The following TRIM31 variants were observed in gnomAD, a reference collection of about 807,000 sequenced individuals.
TRIM31 encodes the protein tripartite motif containing 31.
TRIM31 carries 31 observed loss-of-function variants against 40.6 expected under a neutral mutation model. The ratio of observed to expected loss-of-function variants is 0.76; its 90% CI spans 0.57 to 1.03. TRIM31 has a LOEUF of 1.03. Ranked by LOEUF, TRIM31 falls within the 50% of genes least tolerant of loss-of-function variation. TRIM31 has a pLI of 0.00. For synonymous variants in TRIM31, 164 were observed against 193.9 expected (o/e 0.85, Z 1.28); for missense variants, 455 against 497.5 (o/e 0.91, Z 0.81).
In TRIM31 at chr6:30,112,664, A is replaced by G. The variant is rs140451451; in HGVS notation, c.142T>C (p.Cys48Arg). The G allele has an allele frequency of 9.2e-4, 1,481 of 1,613,118 alleles. 2 individuals are homozygous for G. The highest frequency in any genetic ancestry group is 1.2e-3 in the Non-Finnish European group (1,377 of 1,180,038). ...KCITQIGETS[C>R]GFFKCPLCKT... ...CAGAGGGGACATTTGAAAAATCCAC[A>G]TGATGTTTCCCCAATCTGAGTGATG... The change falls in exon 2 of 9, where the codon TGT becomes CGT. Residue 48 changes from cysteine (C) to arginine (R), a missense_variant. Coordinates refer to ENST00000376734, the MANE Select transcript of TRIM31 (RefSeq NM_007028.5).
At chr6:30,108,976 G>A in intron 5 of TRIM31, 50 bp downstream of exon 5, 1 of 1,590,500 alleles carries the variant, frequency 6.3e-7, no homozygotes, top group Non-Finnish European at 8.6e-7. Context: ...GCTGAGAATT[G>A]TGTGTGGATG....
Position 30,103,394 on chromosome 6 carries a change from A to G in TRIM31, c.*142T>C, listed in dbSNP as rs1768369175. Reference sequence around the variant, plus strand: ...CCCCGCCCCCATCTCCACTCTCAGTAGCCCGAGCCCTCCCATTCTCCACTC... The same window carrying G: ...CCCCGCCCCCATCTCCACTCTCAGTGGCCCGAGCCCTCCCATTCTCCACTC... On this transcript the variant is annotated 3_prime_UTR_variant, in exon 9 of 9. Transcript: ENST00000376734. 8.0e-7 allele frequency: 1 copy of G among 1,251,986 alleles called. No homozygotes were observed. The highest frequency in any genetic ancestry group is 1.1e-6 in the Non-Finnish European group (1 of 901,276). 77.6% of individuals were successfully genotyped at this position (1,251,986 alleles called of 1,614,324 possible).
intron 6 of TRIM31, 34 bp downstream of exon 6, chr6:30,108,019 T>C (rs771513352): frequency 5.9e-6 from 8 of 1,348,412 alleles, no homozygotes; most frequent in African/African-American, 4.3e-5. Context: ...CTCCTGGAAG[T>C]AGGTGAATAG....
rs1239938257 is a variant in TRIM31, at chr6:30,103,590, C to G, written c.1224G>C (p.Leu408=). The change falls in exon 9 of 9, where the codon CTG becomes CTC. Residue 408 remains leucine, a synonymous_variant. Transcript: ENST00000376734. The stretch of plus-strand genomic sequence containing the variant: ...CCCGGATCGCTGTCAGCCACTCACT[C>G]AGTGCCGCATGGAGCTCCTCGGACA... The part of the protein sequence containing the change: ...VALSEELHAA[L]SEWLTAIRAW... 6.2e-7 allele frequency: 1 copy of G among 1,612,966 alleles called. No homozygotes were observed. The highest frequency in any genetic ancestry group is 1.1e-5 in the South Asian group (1 of 91,092).
At position 30,112,876 on chromosome 6, in the gene TRIM31, G is replaced by C; in HGVS notation, c.-71C>G. The C allele has an allele frequency of 6.9e-7, 1 of 1,456,880 alleles. No homozygotes were observed. Among genetic ancestry groups the C allele is most frequent in the Non-Finnish European group, 9.2e-7 (1 of 1,091,366 alleles). The allele number at this position is 1,456,880 out of a possible 1,614,324, so 90.2% of individuals were successfully genotyped here. A position where few individuals can be genotyped will look rare whatever the true frequency, so the allele number is the denominator to read the frequency against. ...GTCTGTAGGAGCCCCGGAGTCCACTGTGGATACTGTTTCTAGGAAGGGAGA... is the reference window on the plus strand; with the variant it reads ...GTCTGTAGGAGCCCCGGAGTCCACTCTGGATACTGTTTCTAGGAAGGGAGA... On this transcript the variant is annotated 5_prime_UTR_variant, in exon 2 of 9. Coordinates refer to ENST00000376734, the MANE Select transcript of TRIM31 (RefSeq NM_007028.5).
intron 8 of TRIM31, 89 bp from the exon 9 acceptor site, chr6:30,103,878 A>G: frequency 3.2e-6 from 5 of 1,575,276 alleles, no homozygotes; most frequent in Admixed American, 3.5e-5. Flanking sequence ...TGAGCTCTAC[A>G]TACAGCAGGA....
intron 7 of TRIM31, 32 bp downstream of exon 7, chr6:30,105,136 G>T: frequency 6.3e-7 from 1 of 1,590,242 alleles, no homozygotes; most frequent in East Asian, 2.2e-5. Context: ...TCCCCAAATG[G>T]CAGAAGCAAC....
intron 6 of TRIM31, among the ~76,000 whole-genome samples, chr6:30,106,103 C>T (rs924767433): frequency 1.3e-5 from 2 of 152,222 alleles, no homozygotes; most frequent in African/African-American, 2.4e-5. Flanking sequence ...GCCTAGATTT[C>T]CTGTAGGGGT....
intron 3 of TRIM31, 84 bp from the exon 4 acceptor site, chr6:30,110,762 A>C: frequency 7.5e-7 from 1 of 1,337,608 alleles, no homozygotes; most frequent in Non-Finnish European, 1.0e-6. Flanking sequence ...AATTTTATTA[A>C]GTTTGTGTGG....
In TRIM31 at chr6:30,112,587, A is replaced by T. The variant is rs759804971; in HGVS notation, c.219T>A (p.Asn73Lys). The T allele has an allele frequency of 6.2e-7, 1 of 1,613,084 alleles. No individual in the cohort carries two copies. The change falls in exon 2 of 9, where the codon AAT becomes AAA. Residue 73 changes from asparagine to lysine, a missense_variant. Coordinates refer to ENST00000376734, the MANE Select transcript of TRIM31 (RefSeq NM_007028.5). ...GTAGAGCTTGGATTTTCTCCACCAG[A>T]TTCCGCAACAGCGAGTTGAACCTGA... ...NAIRFNSLLR[N>K]LVEKIQALQA...
Position 30,112,906 on chromosome 6 carries a change from A to T in TRIM31, c.-83-18T>A. 1 of 1,181,082 alleles carries T rather than the reference A, an allele frequency of 8.5e-7. No homozygotes were observed. The allele number at this position is 1,181,082 out of a possible 1,614,324, so 73.2% of individuals were successfully genotyped here. ...TACTGTTTCTAGGAAGGGAGAAGGG[A>T]GTCAGAGAAAGTGGAGGTCAGAGAT... is the stretch of plus-strand genomic sequence containing the variant. On this transcript the variant is annotated intron_variant, in intron 1 of 8. Transcript: ENST00000376734.
Position 30,112,688 on chromosome 6 carries a change from T to C in TRIM31, c.118A>G (p.Ile40Val). Residue 40 changes from isoleucine to valine, a missense_variant, in exon 2 of 9, where the codon ATC becomes GTC. By Grantham distance (29) the Ile-to-Val change is conservative. Transcript: ENST00000376734. ...CATGATGTTTCCCCAATCTGAGTGA[T>C]GCATTTGAGGCAGAAATTGTGCCCA... ...DCGHNFCLKC[I>V]TQIGETSCGF... 1 of 1,613,170 alleles carries C rather than the reference T, an allele frequency of 6.2e-7. No individual in the cohort carries two copies. Among genetic ancestry groups the C allele is most frequent in the South Asian group, 1.1e-5 (1 of 91,088 alleles).
intron 5 of TRIM31, chr6:30,108,739 T>C (rs751506840): frequency 3.6e-6 from 2 of 553,968 alleles, no homozygotes; most frequent in Non-Finnish European, 6.4e-6. Flanking sequence ...GGAGACAGAG[T>C]AGGGGACCCA....
At chr6:30,108,260 T>G in intron 5 of TRIM31, 92 bp from the exon 6 acceptor site, 4 of 877,990 alleles carry the variant, frequency 4.6e-6, no homozygotes, top group Non-Finnish European at 7.6e-6. Flanking sequence ...AATGAGGGGA[T>G]GAAGACCTGG....
chr6:30,109,141 G>T lies in TRIM31; in HGVS notation c.745-93C>A, dbSNP rs1769044523. The T allele has an allele frequency of 7.5e-6, 10 of 1,335,652 alleles. No homozygotes were observed. In the East Asian group the frequency reaches 2.3e-4, roughly 31 times the overall value. The allele number at this position is 1,335,652 out of a possible 1,614,324, so 82.7% of individuals were successfully genotyped here. ...CAGAGCCTGCTGGGTGTGGGGCAGA[G>T]CAGGAGGAGTAAGAACCCCTCCAAG... On this transcript the variant is annotated intron_variant, in intron 4 of 8. Coordinates refer to ENST00000376734, the MANE Select transcript of TRIM31 (RefSeq NM_007028.5).
In TRIM31 at chr6:30,103,778, T is replaced by C. The variant is rs780199967; in HGVS notation, c.1036A>G (p.Thr346Ala). Reference sequence around the variant, plus strand: ...GAGTGGTGATTTGGTGGCCCCGATGTAGTTCTGCCGCCTTTGCGGGAGAAG... The same window carrying C: ...GAGTGGTGATTTGGTGGCCCCGATGCAGTTCTGCCGCCTTTGCGGGAGAAG... ...PGSSSAGGRT[T>A]SGPPNHHSSA... The change falls in exon 9 of 9, where the codon ACA becomes GCA. Residue 346 changes from threonine to alanine, a missense_variant. Physicochemically the swap from Thr to Ala is moderately conservative, Grantham distance 58. Transcript: ENST00000376734. The C allele has an allele frequency of 1.2e-6, 2 of 1,612,908 alleles. No individual in the cohort carries two copies. Among genetic ancestry groups the C allele is most frequent in the South Asian group, 2.2e-5 (2 of 91,074 alleles).
chr6:30,106,089 C>G (rs1298216340), intron 6 of TRIM31, among the ~76,000 whole-genome samples: 4 of 152,228 alleles, frequency 2.6e-5, no homozygotes, highest in African/African-American at 4.8e-5. Flanking sequence ...ATGGCCCATT[C>G]CTGGCCTAGA....
chr6:30,103,436 C>A lies in TRIM31; in HGVS notation c.*100G>T. On this transcript the variant is annotated 3_prime_UTR_variant, in exon 9 of 9. Transcript: ENST00000376734. ...TCTCCACTCCTTCGACCCAATTCCA[C>A]TAAGTCAAGAACCGTGGTCGGTCTC... 6.5e-7 allele frequency: 1 copy of A among 1,542,724 alleles called. No individual in the cohort carries two copies. Among genetic ancestry groups the A allele is most frequent in the Non-Finnish European group, 8.7e-7 (1 of 1,145,012 alleles).
In TRIM31 at chr6:30,110,455, A is replaced by G. The variant is rs748364202; in HGVS notation, c.737T>C (p.Leu246Pro). ...KTKQNMPPRQ[L>P]LEDIKVVLCR... is the part of the protein sequence containing the mutation. The stretch of plus-strand genomic sequence containing the variant: ...TGCCCCCAAGGGACTCACCTCCAGC[A>G]GCTGCCTGGGTGGCATGTTCTGCTT... The change falls in exon 4 of 9, where the codon CTG becomes CCG. Residue 246 changes from leucine to proline, a missense_variant. Transcript: ENST00000376734. 22 of 1,614,150 alleles carry G rather than the reference A, an allele frequency of 1.4e-5. No homozygotes were observed. Among genetic ancestry groups the G allele is most frequent in the Non-Finnish European group, 1.8e-5 (21 of 1,180,008 alleles).
Sources: gnomAD v4.1 joint callset for allele counts (sites outside exome capture counted in the v4.1 genomes callset) on GRCh38, gnomAD v4.1.1 for gene constraint, MANE v1.5 for transcripts, NCBI Gene and HGNC (gene_info 2026-07-23, HGNC 2026-07-21) for gene names.